The following RAB2A variants were observed in gnomAD, a reference collection of about 807,000 sequenced individuals.
The protein encoded by RAB2A is RAB2A, member RAS oncogene family.
In RAB2A, 7 loss-of-function variants were observed where a neutral mutation model predicts 32.5. That is an observed-to-expected ratio of 0.22 (90% CI 0.12 to 0.40). The LOEUF (loss-of-function observed/expected upper bound fraction) is 0.40, where lower values mean the gene tolerates loss of function less well. Among genes scored for constraint, RAB2A ranks in the 10% least tolerant of loss-of-function variants. RAB2A has a pLI of 1.00. For synonymous variants in RAB2A, 79 were observed against 85.2 expected (o/e 0.93, Z 0.40); for missense variants, 108 against 260.7 (o/e 0.41, Z 4.03).
chr8:60,585,282 T>TTTTTGTTTTGTTTTGTTTTGTTTTG (rs112024465), intron 5 of RAB2A, among the ~76,000 whole-genome samples: 2 of 148,652 alleles, frequency 1.3e-5, no homozygotes, highest in African/African-American at 5.1e-5. Context: ...GGCACCATTC[T>TTTTTGTTTTGTTTTGTTTTGTTTTG]TTTTGTTTTG....
At chr8:60,613,948 A>G (rs1434780123) in intron 6 of RAB2A, among the ~76,000 whole-genome samples, 1 of 152,230 alleles carries the variant, frequency 6.6e-6, no homozygotes, top group Non-Finnish European at 1.5e-5. Flanking sequence ...CTTGTTTACA[A>G]GATACCCTGC....
intron 1 of RAB2A, among the ~76,000 whole-genome samples, chr8:60,521,046 G>GCTTA (rs1807294447): frequency 6.6e-6 from 1 of 152,114 alleles, no homozygotes; most frequent in South Asian, 2.1e-4. Flanking sequence ...AAACTCCTGG[G>GCTTA]CTTAAGCCAT....
chr8:60,561,683 A>G (rs1490983665), intron 2 of RAB2A, among the ~76,000 whole-genome samples: 1 of 152,182 alleles, frequency 6.6e-6, no homozygotes, highest in African/African-American at 2.4e-5. Context: ...GAAGTTTCCT[A>G]GGGACGAGAG....
intron 1 of RAB2A, among the ~76,000 whole-genome samples, chr8:60,534,869 T>C (rs569899067): frequency 1.3e-5 from 2 of 148,524 alleles, no homozygotes; most frequent in African/African-American, 2.5e-5. Context: ...ATTTCTACCC[T>C]TAACTCAGAT....
At chr8:60,583,998 A>G (rs1474307021) in intron 3 of RAB2A, 14 of 431,888 alleles carry the variant, frequency 3.2e-5, no homozygotes, top group South Asian at 1.4e-4. Flanking sequence ...AGGAGCGACT[A>G]CATGTGCACT....
At chr8:60,519,459 C>G (rs980627401) in intron 1 of RAB2A, among the ~76,000 whole-genome samples, 2 of 152,196 alleles carry the variant, frequency 1.3e-5, no homozygotes, top group African/African-American at 4.8e-5. Context: ...ATCCATCAGT[C>G]CTTCAAAGTC....
rs1807217187 is a variant in RAB2A at position 60,517,095 on chromosome 8, G to A, written c.-113G>A. 4 of 1,144,022 alleles carry A rather than the reference G, an allele frequency of 3.5e-6. No homozygotes were observed. Among genetic ancestry groups the A allele is most frequent in the Non-Finnish European group, 4.7e-6 (4 of 852,260 alleles). The allele number at this position is 1,144,022 out of a possible 1,614,324, so 70.9% of individuals were successfully genotyped here. A position where few individuals can be genotyped will look rare whatever the true frequency, so the allele number is the denominator to read the frequency against. On this transcript the variant is annotated 5_prime_UTR_variant, in exon 1 of 8. Coordinates refer to ENST00000262646, the MANE Select transcript of RAB2A (RefSeq NM_002865.3). The stretch of plus-strand genomic sequence containing the variant: ...CCCGGCGGCTGACAGCAGCAGCGGC[G>A]GCGGCGGGCGGCGCCTGGCGTTTCG...
At chr8:60,569,988 C>T (rs1043675043) in intron 2 of RAB2A, 1 of 456,236 alleles carries the variant, frequency 2.2e-6, no homozygotes, top group Admixed American at 2.3e-5. Flanking sequence ...GAAGCAGAAA[C>T]TGTTAAGAGC....
In RAB2A at chr8:60,622,154, A is replaced by T. The variant is rs1007162233; in HGVS notation, c.*1385A>T. On this transcript the variant is annotated 3_prime_UTR_variant, in exon 8 of 8. Coordinates refer to ENST00000262646, the MANE Select transcript of RAB2A (RefSeq NM_002865.3). ...TTGCTAAAATGCGACAAATCTCACC[A>T]TACTGAAATTATTTTTGTTGATGGT... 1.3e-5 allele frequency: 2 copies of T among 152,212 alleles called. No homozygotes were observed. Among genetic ancestry groups the T allele is most frequent in the African/African-American group, 4.8e-5 (2 of 41,446 alleles). The allele number at this position is 152,212 out of a possible 1,614,324, so 9.4% of individuals were successfully genotyped here.
chr8:60,573,103 C>T (rs1390678431), intron 3 of RAB2A, among the ~76,000 whole-genome samples: 3 of 152,100 alleles, frequency 2.0e-5, no homozygotes, highest in African/African-American at 7.2e-5. Context: ...TGGAGGACCA[C>T]ATGGACCCTT....
chr8:60,527,787 G>A (rs890750262), intron 1 of RAB2A, among the ~76,000 whole-genome samples: 2 of 152,028 alleles, frequency 1.3e-5, no homozygotes, highest in Non-Finnish European at 2.9e-5. Flanking sequence ...CTGACATTGA[G>A]AATCTTGAAA....
chr8:60,603,066 G>T (rs1022213496), intron 6 of RAB2A, among the ~76,000 whole-genome samples: 2 of 152,170 alleles, frequency 1.3e-5, no homozygotes, highest in Non-Finnish European at 2.9e-5. Context: ...GTGGTGGTTG[G>T]TGTTGGGACA....
At chr8:60,607,921 T>C (rs147234504) in intron 6 of RAB2A, among the ~76,000 whole-genome samples, 51 of 152,326 alleles carry the variant, frequency 3.3e-4, no homozygotes, top group Non-Finnish European at 7.4e-5. Context: ...GTTTCAACCA[T>C]CTTATAAAAT....
At chr8:60,556,194 G>A (rs1156925942) in intron 1 of RAB2A, among the ~76,000 whole-genome samples, 2 of 152,146 alleles carry the variant, frequency 1.3e-5, no homozygotes, top group African/African-American at 4.8e-5. Flanking sequence ...GTAGAATTGT[G>A]GGTATTAGAG....
At position 60,517,271 on chromosome 8, in the gene RAB2A, G is replaced by T. The variant is rs1187674657; in HGVS notation, c.46+18G>T. On this transcript the variant is annotated intron_variant, in intron 1 of 7. Transcript: ENST00000262646. ...CGACACAGGTGAGGGCCCCGGGCGCGGCCGGGCGGGTGTCGGCGGCCTCCG... is the reference window on the plus strand; with the variant it reads ...CGACACAGGTGAGGGCCCCGGGCGCTGCCGGGCGGGTGTCGGCGGCCTCCG... 6.8e-7 allele frequency: 1 copy of T among 1,480,272 alleles called. No individual in the cohort carries two copies. Among genetic ancestry groups the T allele is most frequent in the Admixed American group, 2.5e-5 (1 of 40,658 alleles). 91.7% of individuals were successfully genotyped at this position (1,480,272 alleles called of 1,614,324 possible).
intron 2 of RAB2A, among the ~76,000 whole-genome samples, chr8:60,571,654 T>A (rs1352905888): frequency 6.6e-6 from 1 of 152,164 alleles, no homozygotes; most frequent in East Asian, 1.9e-4. Flanking sequence ...TTGAAATATA[T>A]CTATCCCTTT....
intron 2 of RAB2A, among the ~76,000 whole-genome samples, chr8:60,559,634 T>C (rs1209427621): frequency 6.6e-6 from 1 of 152,242 alleles, no homozygotes; most frequent in Non-Finnish European, 1.5e-5. Flanking sequence ...CGGGTTTTTA[T>C]TTGTTTAAAA....
chr8:60,618,765 A>G (rs977324154), intron 7 of RAB2A, 117 bp downstream of exon 7: 9 of 342,816 alleles, frequency 2.6e-5, no homozygotes, highest in Non-Finnish European at 3.6e-5. Flanking sequence ...CCTAAAATCA[A>G]TCATGATAAT....
At chr8:60,532,664 G>A (rs1055686730) in intron 1 of RAB2A, among the ~76,000 whole-genome samples, 10 of 152,094 alleles carry the variant, frequency 6.6e-5, no homozygotes, top group Non-Finnish European at 1.3e-4. Context: ...GTGCATGCCA[G>A]CACAGCCGGC....
Sources: gnomAD v4.1 joint callset for allele counts (sites outside exome capture counted in the v4.1 genomes callset) on GRCh38, gnomAD v4.1.1 for gene constraint, MANE v1.5 for transcripts, NCBI Gene and HGNC (gene_info 2026-07-23, HGNC 2026-07-21) for gene names.